REV3L: variants seen among roughly 807,000 people sequenced by gnomAD.
REV3L encodes the protein REV3 like, DNA directed polymerase zeta catalytic subunit.
In REV3L, 69 loss-of-function variants were observed where a neutral mutation model predicts 299.4. That is an observed-to-expected ratio of 0.23 (90% CI 0.19 to 0.28). The LOEUF (loss-of-function observed/expected upper bound fraction) is 0.28, where lower values mean the gene tolerates loss of function less well. REV3L is among the 10% of genes least tolerant of loss of function. REV3L has a pLI of 1.00. For synonymous variants in REV3L, 1,238 were observed against 1,271.4 expected (o/e 0.97, Z 0.56); for missense variants, 3,128 against 3,693.8 (o/e 0.85, Z 3.97).
chr6:111,441,916 C>T (rs1788308963), intron 1 of REV3L, among the ~76,000 whole-genome samples: 1 of 152,110 alleles, frequency 6.6e-6, no homozygotes, highest in Non-Finnish European at 1.5e-5. Flanking sequence ...TTCTATAGTC[C>T]TATGATTACG....
At chr6:111,406,540 T>C (rs1175408291) in intron 3 of REV3L, among the ~76,000 whole-genome samples, 1 of 152,000 alleles carries the variant, frequency 6.6e-6, no homozygotes, top group Non-Finnish European at 1.5e-5. Flanking sequence ...ATAACAAGGA[T>C]CATAGAAATG....
intron 18 of REV3L, among the ~76,000 whole-genome samples, chr6:111,352,645 G>A (rs549578233): frequency 1.3e-5 from 2 of 152,284 alleles, no homozygotes; most frequent in South Asian, 4.1e-4. Flanking sequence ...TAAGGCCTAA[G>A]TAATGACAAG....
At position 111,372,840 on chromosome 6, in the gene REV3L, G is replaced by A. The variant is rs1165934445; in HGVS notation, c.5515C>T (p.Leu1839=). The change falls in exon 13 of 32, where the codon CTG becomes TTG. Residue 1839 remains leucine, a synonymous_variant. Transcript: ENST00000368802. ...LVDVACEDLE[L]YVSRNNDMLT... is the part of the protein sequence containing the mutation. ...ATATCATTGTTTCTTGAAACATACA[G>A]TTCTAAATCTTCACAGGCCACGTCT... is the stretch of plus-strand genomic sequence containing the variant. The A allele has an allele frequency of 6.2e-7, 1 of 1,613,966 alleles. No individual in the cohort carries two copies. The highest frequency in any genetic ancestry group is 8.5e-7 in the Non-Finnish European group (1 of 1,179,976).
rs755355768 is a variant in REV3L at position 111,375,413 on chromosome 6, A to G, written c.2942T>C (p.Ile981Thr). ...LPPVIIKYIIINRFRGRKNML... is the reference protein window; with the variant it reads ...LPPVIIKYIITNRFRGRKNML... Reference sequence around the variant, plus strand: ...ATTTTTTCTCCCTCTAAATCTATTAATAATAATATACTTTATGATGACAGG... The same window carrying G: ...ATTTTTTCTCCCTCTAAATCTATTAGTAATAATATACTTTATGATGACAGG... The change falls in exon 13 of 32, where the codon ATT becomes ACT. Residue 981 changes from isoleucine to threonine, a missense_variant. This residue lies in a region of REV3L where 2,409 missense variants were observed against 2,611.8 expected (regional missense o/e 0.92). Transcript: ENST00000368802. 6.3e-6 allele frequency: 10 copies of G among 1,596,734 alleles called. No homozygotes were observed. The African/African-American group carries it at 1.2e-4, about 20-fold the overall frequency.
intron 1 of REV3L, among the ~76,000 whole-genome samples, chr6:111,449,213 G>A (rs909896002): frequency 6.6e-6 from 1 of 152,198 alleles, no homozygotes. Context: ...GCATAGGACA[G>A]TAATCCCTGA....
chr6:111,331,813 A>G, intron 23 of REV3L, 29 bp from the exon 24 acceptor site: 1 of 1,348,574 alleles, frequency 7.4e-7, no homozygotes. Flanking sequence ...TTAAGCAAAT[A>G]CTTCCTCAAA....
intron 1 of REV3L, among the ~76,000 whole-genome samples, chr6:111,428,339 T>C (rs1786443777): frequency 6.6e-6 from 1 of 151,978 alleles, no homozygotes; most frequent in Non-Finnish European, 1.5e-5. Flanking sequence ...AGAAATTTAT[T>C]AGAGAAATTT....
At chr6:111,321,093 A>G (rs1289409583) in intron 26 of REV3L, among the ~76,000 whole-genome samples, 1 of 152,230 alleles carries the variant, frequency 6.6e-6, no homozygotes, top group East Asian at 1.9e-4. Context: ...AAAACACTGA[A>G]TATCAATTTA....
chr6:111,469,577 T>C (rs755409302), intron 1 of REV3L, among the ~76,000 whole-genome samples: 1 of 152,194 alleles, frequency 6.6e-6, no homozygotes, highest in African/African-American at 2.4e-5. Flanking sequence ...CTTTGGCCTA[T>C]GGACAACAGA....
intron 1 of REV3L, among the ~76,000 whole-genome samples, chr6:111,424,072 T>A (rs1193467823): frequency 3.3e-5 from 5 of 152,042 alleles, no homozygotes; most frequent in African/African-American, 1.2e-4. Context: ...CAATACCCAA[T>A]ACAAGAGAAG....
At chr6:111,339,943 C>T (rs1455532691) in intron 21 of REV3L, among the ~76,000 whole-genome samples, 2 of 152,048 alleles carry the variant, frequency 1.3e-5, no homozygotes, top group South Asian at 2.1e-4. Flanking sequence ...TCAAACTTAA[C>T]GGTAATAAAT....
At position 111,375,870 on chromosome 6, in the gene REV3L, G is replaced by T; in HGVS notation, c.2485C>A (p.Arg829=). The change falls in exon 13 of 32, where the codon CGG becomes AGG. Residue 829 remains arginine, a synonymous_variant. Transcript: ENST00000368802. ...AGTTTCCTTTTATTCAATTTTAACC[G>T]GGATGGTTTATTGCCAGGTTGTAAT... ...YKLQPGNKPS[R]LKLNKRKLAG... 1 of 1,613,772 alleles carries T rather than the reference G, an allele frequency of 6.2e-7. No homozygotes were observed. Among genetic ancestry groups the T allele is most frequent in the South Asian group, 1.1e-5 (1 of 91,050 alleles).
At chr6:111,422,611 T>TCCCC in intron 1 of REV3L, among the ~76,000 whole-genome samples, 1 of 27,288 alleles carries the variant, frequency 3.7e-5, no homozygotes, top group African/African-American at 7.7e-5. Context: ...TATATATATA[T>TCCCC]ACACATATAT....
At chr6:111,357,626 G>C (rs1486885273) in intron 17 of REV3L, among the ~76,000 whole-genome samples, 1 of 152,064 alleles carries the variant, frequency 6.6e-6, no homozygotes, top group African/African-American at 2.4e-5. Flanking sequence ...CCGGGAGGCA[G>C]AGCTTGCAGT....
chr6:111,346,434 GT>G (rs1321816767), intron 20 of REV3L, among the ~76,000 whole-genome samples: 1 of 152,148 alleles, frequency 6.6e-6, no homozygotes, highest in Non-Finnish European at 1.5e-5. Context: ...TCAAAGTAAA[GT>G]AAGAGAAAGA....
intron 1 of REV3L, among the ~76,000 whole-genome samples, chr6:111,476,318 G>C (rs894723928): frequency 1.3e-5 from 2 of 152,010 alleles, no homozygotes; most frequent in Non-Finnish European, 2.9e-5. Flanking sequence ...ACCCTGCCTG[G>C]CTAACTTTTG....
At chr6:111,340,443 T>G (rs1776363562) in intron 21 of REV3L, among the ~76,000 whole-genome samples, 1 of 152,126 alleles carries the variant, frequency 6.6e-6, no homozygotes, top group Admixed American at 6.5e-5. Flanking sequence ...AATAAAATGT[T>G]GGGAACATAA....
At chr6:111,303,701 C>CTTTTTTTTTTTTTTTTT (rs58366929) in intron 31 of REV3L, among the ~76,000 whole-genome samples, 3 of 12,644 alleles carry the variant, frequency 2.4e-4, no homozygotes, top group South Asian at 7.1e-3. Flanking sequence ...CAGACTATGA[C>CTTTTTTTTTTTTTTTTT]TTTTTTTTTT....
intron 4 of REV3L, among the ~76,000 whole-genome samples, chr6:111,395,225 T>C (rs1004780459): frequency 6.6e-6 from 1 of 152,198 alleles, no homozygotes; most frequent in Non-Finnish European, 1.5e-5. Context: ...TTAGAATTTT[T>C]TTTTCTATTT....
Sources: allele counts gnomAD v4.1 joint callset (sites outside exome capture counted in the v4.1 genomes callset), GRCh38; gene constraint gnomAD v4.1.1; regional missense constraint gnomAD v4.1.1; transcripts MANE v1.5; gene names NCBI Gene and HGNC (gene_info 2026-07-23, HGNC 2026-07-21).